The following SETD4 variants were observed in gnomAD, a reference collection of about 807,000 sequenced individuals.
SETD4 encodes SET domain-containing protein 4.
A neutral mutation model predicts 58.3 loss-of-function variants in SETD4; 46 were observed. The ratio of observed to expected loss-of-function variants is 0.79; its 90% CI spans 0.62 to 1.01. SETD4 has a LOEUF of 1.01. Among genes scored for constraint, SETD4 ranks in the 50% least tolerant of loss-of-function variants. The pLI is 0.00. For synonymous variants in SETD4, 190 were observed against 202.6 expected, an observed-to-expected ratio of 0.94 and a Z score of 0.53; for missense variants, 490 against 523.3, an observed-to-expected ratio of 0.94 and a Z score of 0.62.
chr21:36,043,479 A>G (rs1329212043), intron 7 of SETD4: 1 of 1,140,902 alleles, frequency 8.8e-7, no homozygotes, highest in African/African-American at 1.6e-5. Flanking sequence ...ACAACGTCTC[A>G]GTATAAACAT....
chr21:36,036,022 G>A (rs746388966), intron 11 of SETD4, 62 bp from the exon 12 acceptor site: 26 of 1,466,194 alleles, frequency 1.8e-5, no homozygotes, highest in Non-Finnish European at 2.2e-5. Context: ...ACAACTCATC[G>A]ACTCTAAACT....
At chr21:36,040,107 G>A (rs2063975373) in intron 9 of SETD4, among the ~76,000 whole-genome samples, 1 of 152,006 alleles carries the variant, frequency 6.6e-6, no homozygotes, top group African/African-American at 2.4e-5. Context: ...AGCCTGGCCA[G>A]GATGCACACC....
At chr21:36,050,128 T>A (rs2064574247) in intron 4 of SETD4, 1 of 770,626 alleles carries the variant, frequency 1.3e-6, no homozygotes, top group Non-Finnish European at 2.3e-6. Context: ...TGCAGACCTC[T>A]ATATCTGGCT....
At chr21:36,041,926 A>C (rs1351400365) in intron 7 of SETD4, 38 bp from the exon 8 acceptor site, 1 of 1,159,768 alleles carries the variant, frequency 8.6e-7, no homozygotes, top group Non-Finnish European at 1.2e-6. Context: ...TTAGGGCATA[A>C]ATTTGGACAA....
At chr21:36,049,550 G>A (rs906389524) in intron 4 of SETD4, among the ~76,000 whole-genome samples, 6 of 152,034 alleles carry the variant, frequency 3.9e-5, no homozygotes, top group Non-Finnish European at 5.9e-5. Flanking sequence ...ACGTGACTCC[G>A]TCTCAAAAAA....
intron 1 of SETD4, chr21:36,059,808 G>A: frequency 1.0e-6 from 1 of 985,474 alleles, no homozygotes; most frequent in Non-Finnish European, 1.2e-6. Context: ...GCAGTATAAG[G>A]TTCATTATTT....
At chr21:36,044,855 C>T (rs1184237035) in intron 6 of SETD4, among the ~76,000 whole-genome samples, 1 of 152,190 alleles carries the variant, frequency 6.6e-6, no homozygotes, top group Non-Finnish European at 1.5e-5. Context: ...AAAGTGGTTA[C>T]AGGTGAGCCA....
intron 8 of SETD4, among the ~76,000 whole-genome samples, 192 bp downstream of exon 8, chr21:36,041,615 T>C (rs993178674): frequency 2.6e-5 from 4 of 152,212 alleles, no homozygotes; most frequent in African/African-American, 9.7e-5. Context: ...GAAGTTTCTT[T>C]CAAGTGTCTT....
intron 5 of SETD4, among the ~76,000 whole-genome samples, chr21:36,046,322 C>T (rs1321606016): frequency 2.0e-5 from 3 of 152,152 alleles, no homozygotes; most frequent in African/African-American, 7.2e-5. Flanking sequence ...CTTGGTTCTC[C>T]AGTTGTAAAC....
chr21:36,058,474 C>T (rs1259117930), intron 2 of SETD4, among the ~76,000 whole-genome samples: 1 of 148,944 alleles, frequency 6.7e-6, no homozygotes, highest in Non-Finnish European at 1.5e-5. Flanking sequence ...CCACTGCATT[C>T]CAATCTGGGT....
chr21:36,042,738 T>C (rs2064124388), intron 7 of SETD4: 1 of 152,188 alleles, frequency 6.6e-6, no homozygotes, highest in African/African-American at 2.4e-5. Context: ...AAATCAGTCT[T>C]CTATGTACTT....
intron 5 of SETD4, among the ~76,000 whole-genome samples, 185 bp downstream of exon 5, chr21:36,048,123 G>A (rs1437477987): frequency 6.6e-6 from 1 of 151,668 alleles, no homozygotes; most frequent in Non-Finnish European, 1.5e-5. Context: ...CAGGCAGGCA[G>A]GCAGGAAGGC....
At chr21:36,037,951 G>A (rs1018068407) in intron 10 of SETD4, among the ~76,000 whole-genome samples, 199 bp downstream of exon 10, 3 of 152,196 alleles carry the variant, frequency 2.0e-5, no homozygotes, top group Non-Finnish European at 2.9e-5. Flanking sequence ...AGCCAAGATC[G>A]TGCCATTGCA....
At chr21:36,057,519 C>T (rs2065047827) in intron 2 of SETD4, 1 of 574,594 alleles carries the variant, frequency 1.7e-6, no homozygotes, top group Non-Finnish European at 3.2e-6. Context: ...CTGAGGACCA[C>T]CACTGTACAT....
chr21:36,039,990 T>C (rs1428031110), intron 9 of SETD4, among the ~76,000 whole-genome samples: 1 of 152,218 alleles, frequency 6.6e-6, no homozygotes, highest in Non-Finnish European at 1.5e-5. Flanking sequence ...CTGCTCTCCC[T>C]GCCAGGGACT....
At position 36,036,257 on chromosome 21, in the gene SETD4, A is replaced by C. The variant is rs201502965; in HGVS notation, c.1189-6T>G. ...TCATCCTTCATATGAGACACCTGAA[A>C]GTTATTTTTTAATTATTGTTATTGT... is the stretch of plus-strand genomic sequence containing the variant. On this transcript the variant is annotated splice_region_variant and splice_polypyrimidine_tract_variant and intron_variant, in intron 10 of 11. Transcript: ENST00000332131. 2.5e-6 allele frequency: 4 copies of C among 1,579,694 alleles called. No individual in the cohort carries two copies. The Admixed American group carries it at 8.0e-5, about 32-fold the overall frequency.
chr21:36,050,287 C>T (rs1388815522), intron 4 of SETD4: 102 of 1,596,824 alleles, frequency 6.4e-5, no homozygotes, highest in Non-Finnish European at 1.7e-6. Flanking sequence ...TATCCTCAAA[C>T]AGAGATTTTA....
chr21:36,035,081 C>T lies in SETD4; in HGVS notation c.*912G>A, dbSNP rs2063736630. 1 of 152,182 alleles carries T rather than the reference C, an allele frequency of 6.6e-6. No individual in the cohort carries two copies. Among genetic ancestry groups the T allele is most frequent in the African/African-American group, 2.4e-5 (1 of 41,436 alleles). 9.4% of individuals were successfully genotyped at this position (152,182 alleles called of 1,614,324 possible). A position where few individuals can be genotyped will look rare whatever the true frequency, so the allele number is the denominator to read the frequency against. On this transcript the variant is annotated 3_prime_UTR_variant, in exon 12 of 12. Coordinates refer to ENST00000332131, the MANE Select transcript of SETD4 (RefSeq NM_017438.5). ...GAAGAATGAACCCTGGGAGGGTAAA[C>T]AGGACTCTGGGCAACATTGTCTAAG...
intron 8 of SETD4, 123 bp from the exon 9 acceptor site, chr21:36,040,778 T>G (rs1417644847): frequency 6.4e-6 from 5 of 777,706 alleles, no homozygotes; most frequent in Non-Finnish European, 1.1e-5. Flanking sequence ...ACCTGCAACC[T>G]CGGCCAAAGG....
Sources: allele counts gnomAD v4.1 joint callset (sites outside exome capture counted in the v4.1 genomes callset), GRCh38; gene constraint gnomAD v4.1.1; transcripts MANE v1.5; gene names NCBI Gene and HGNC (gene_info 2026-07-23, HGNC 2026-07-21).